EIF4G3: variants seen among roughly 807,000 people sequenced by gnomAD.
The protein encoded by EIF4G3 is eukaryotic translation initiation factor 4 gamma 3.
Under a neutral mutation model 186.4 loss-of-function variants are expected in EIF4G3, and 34 were observed. The ratio of observed to expected loss-of-function variants is 0.18; its 90% CI spans 0.14 to 0.24. The LOEUF (loss-of-function observed/expected upper bound fraction) is 0.24, where lower values mean the gene tolerates loss of function less well. EIF4G3 is among the 10% of genes least tolerant of loss of function. The probability of loss-of-function intolerance (pLI) is 1.00; values close to 1 mark genes in which losing one functional copy is unlikely to be tolerated. For missense variants in EIF4G3, 1,536 were observed against 1,948.5 expected, an observed-to-expected ratio of 0.79 and a Z score of 3.99; for synonymous variants, 673 against 679.5, an observed-to-expected ratio of 0.99 and a Z score of 0.15.
chr1:21,172,134 A>T (rs2097991069), intron 2 of EIF4G3, among the ~76,000 whole-genome samples: 2 of 151,968 alleles, frequency 1.3e-5, no homozygotes, highest in African/African-American at 4.8e-5. Flanking sequence ...AAAAAAAAAA[A>T]AAAAGCCTGA....
intron 4 of EIF4G3, among the ~76,000 whole-genome samples, chr1:21,045,550 T>A (rs1349629001): frequency 6.6e-6 from 1 of 152,178 alleles, no homozygotes; most frequent in Non-Finnish European, 1.5e-5. Context: ...TTTGAGCATG[T>A]CTTCTCACTT....
At chr1:21,045,503 G>A (rs1319514698) in intron 4 of EIF4G3, among the ~76,000 whole-genome samples, 2 of 152,112 alleles carry the variant, frequency 1.3e-5, no homozygotes, top group African/African-American at 2.4e-5. Flanking sequence ...GAAACAGCAG[G>A]CAGATAACAC....
chr1:21,030,129 C>T (rs2092604372), intron 4 of EIF4G3, among the ~76,000 whole-genome samples: 1 of 152,186 alleles, frequency 6.6e-6, no homozygotes, highest in South Asian at 2.1e-4. Flanking sequence ...CTGCCTCAAC[C>T]TCCCAAAGTG....
At chr1:20,846,008 T>C (rs10799669) in intron 29 of EIF4G3, among the ~76,000 whole-genome samples, 91,198 of 151,972 alleles carry the variant, frequency 0.6, 27,655 homozygotes, top group East Asian at 0.83. Context: ...CTCCTTGTAG[T>C]GATCCTTCAC....
intron 2 of EIF4G3, among the ~76,000 whole-genome samples, chr1:21,121,642 G>A (rs1460748484): frequency 6.6e-6 from 1 of 152,034 alleles, no homozygotes; most frequent in Non-Finnish European, 1.5e-5. Flanking sequence ...AGGCGTGGTG[G>A]TGCACACCTG....
At position 20,917,827 on chromosome 1, in the gene EIF4G3, C is replaced by T. The variant is rs116586416; in HGVS notation, c.1664-12856G>A. On this transcript the variant is annotated intron_variant, in intron 14 of 36. Coordinates refer to ENST00000602326, the MANE Select transcript of EIF4G3 (RefSeq NM_001391906.1). ...GTTTCTGAAGTACCTAAAATATTAG[C>T]ATTTCCATATATCTATTACACAACT... Among the ~76,000 whole-genome samples the T allele has an allele frequency of 6.9e-3, 1,048 of 152,196 alleles. 14 individuals carry two copies. The highest frequency in any genetic ancestry group is 0.023 in the African/African-American group (966 of 41,524).
At chr1:20,927,215 A>G (rs1399632221) in intron 14 of EIF4G3, among the ~76,000 whole-genome samples, 2 of 152,058 alleles carry the variant, frequency 1.3e-5, no homozygotes, top group African/African-American at 4.8e-5. Context: ...AGCTAACTGA[A>G]TTGAGCAGGT....
At chr1:20,925,475 T>C (rs1038397054) in intron 14 of EIF4G3, among the ~76,000 whole-genome samples, 9 of 152,210 alleles carry the variant, frequency 5.9e-5, no homozygotes, top group African/African-American at 2.2e-4. Context: ...GCCCTAATAG[T>C]TTTTGGATGC....
intron 4 of EIF4G3, among the ~76,000 whole-genome samples, chr1:21,032,509 G>T (rs2092829287): frequency 6.6e-6 from 1 of 151,610 alleles, no homozygotes; most frequent in Non-Finnish European, 1.5e-5. Context: ...CTACCTTGAA[G>T]ATGAAAAATT....
chr1:20,941,212 T>C (rs946388161), intron 14 of EIF4G3: 26 of 1,515,132 alleles, frequency 1.7e-5, no homozygotes, highest in South Asian at 1.4e-4. Flanking sequence ...AATGAGGCAA[T>C]AGCAACAACA....
rs986588309 is a variant in EIF4G3, at chr1:21,041,733, T to C, written c.-67+9133A>G. Among the ~76,000 whole-genome samples, 14 of 151,882 alleles carry C rather than the reference T, an allele frequency of 9.2e-5. No individual in the cohort carries two copies. In the South Asian group the frequency reaches 1.7e-3, roughly 18 times the overall value. Reference sequence around the variant, plus strand: ...CTGCAATATGTCACCTACTTAGGGGTTTTCTATGAAACAAACTACTTTACA... The same window carrying C: ...CTGCAATATGTCACCTACTTAGGGGCTTTCTATGAAACAAACTACTTTACA... On this transcript the variant is annotated intron_variant, in intron 4 of 36. Transcript: ENST00000602326.
At chr1:21,026,913 C>T (rs1429615707) in intron 4 of EIF4G3, among the ~76,000 whole-genome samples, 2 of 133,336 alleles carry the variant, frequency 1.5e-5, no homozygotes, top group Non-Finnish European at 3.1e-5. Flanking sequence ...CTCCAGCCTG[C>T]GTGACAGAGG....
intron 20 of EIF4G3, among the ~76,000 whole-genome samples, chr1:20,871,621 G>C (rs562090509): frequency 8.5e-5 from 13 of 152,274 alleles, no homozygotes; most frequent in African/African-American, 3.1e-4. Flanking sequence ...GGAAAATGTT[G>C]TATACAGTAG....
chr1:21,174,396 G>A lies in EIF4G3; in HGVS notation c.-272+1779C>T, dbSNP rs561033978. Among the ~76,000 whole-genome samples, 207 of 152,260 alleles carry A rather than the reference G, an allele frequency of 1.4e-3. 1 individual carries two copies. Among genetic ancestry groups the A allele is most frequent in the Non-Finnish European group, 2.5e-3 (172 of 68,022 alleles). The stretch of plus-strand genomic sequence containing the variant: ...AAAGCCACCCAATTCACCAAACAGT[G>A]TCACATTCAGCACTGTGGTCCTTAC... On this transcript the variant is annotated intron_variant, in intron 2 of 36. Coordinates refer to ENST00000602326, the MANE Select transcript of EIF4G3 (RefSeq NM_001391906.1).
intron 2 of EIF4G3, among the ~76,000 whole-genome samples, chr1:21,091,691 T>C (rs1167833424): frequency 2.6e-5 from 4 of 152,306 alleles, no homozygotes; most frequent in African/African-American, 9.6e-5. Context: ...GTAGTTCTCC[T>C]TGAAGAGGTC....
Position 20,893,379 on chromosome 1 carries a change from G to A in EIF4G3, c.2253+138C>T, listed in dbSNP as rs2086795593. 3.3e-6 allele frequency: 3 copies of A among 897,374 alleles called. No individual in the cohort carries two copies. In the African/African-American group the frequency reaches 5.1e-5, roughly 15 times the overall value. The allele number at this position is 897,374 out of a possible 1,614,324, so 55.6% of individuals were successfully genotyped here. On this transcript the variant is annotated intron_variant, in intron 18 of 36. Transcript: ENST00000602326. ...TCTTTATCTGCTTTAATATGAGTATGGAAAGGATAGTCTTTGCCTCTTCTT... is the reference window on the plus strand; with the variant it reads ...TCTTTATCTGCTTTAATATGAGTATAGAAAGGATAGTCTTTGCCTCTTCTT...
intron 24 of EIF4G3, among the ~76,000 whole-genome samples, chr1:20,859,319 C>T (rs963385451): frequency 6.6e-6 from 1 of 152,192 alleles, no homozygotes; most frequent in Non-Finnish European, 1.5e-5. Context: ...AGGCACTGCA[C>T]TAGGTACTAG....
intron 3 of EIF4G3, among the ~76,000 whole-genome samples, chr1:21,062,020 T>A (rs2094943763): frequency 6.6e-6 from 1 of 152,006 alleles, no homozygotes; most frequent in African/African-American, 2.4e-5. Context: ...GTGCTGAGAT[T>A]ACAGGCGTGA....
chr1:21,006,999 C>T (rs1218371600), intron 4 of EIF4G3, among the ~76,000 whole-genome samples: 1 of 152,254 alleles, frequency 6.6e-6, no homozygotes, highest in East Asian at 1.9e-4. Context: ...AAGATTCTGC[C>T]ATCACCTAAA....
Sources: allele counts gnomAD v4.1 joint callset (sites outside exome capture counted in the v4.1 genomes callset), GRCh38; gene constraint gnomAD v4.1.1; transcripts MANE v1.5; gene names NCBI Gene and HGNC (gene_info 2026-07-23, HGNC 2026-07-21).